SLC22A9: variants seen among roughly 807,000 people sequenced by gnomAD.
The protein encoded by SLC22A9 is solute carrier family 22 member 9.
A neutral mutation model predicts 50.1 loss-of-function variants in SLC22A9; 64 were observed. That is an observed-to-expected ratio of 1.28 (90% CI 1.04 to 1.57). SLC22A9 has a LOEUF of 1.57. Ranked by LOEUF, SLC22A9 falls within the 40% of genes most tolerant of loss-of-function variation. The pLI is 0.00. For synonymous variants in SLC22A9, 261 were observed against 242.5 expected (o/e 1.08, Z -0.71); for missense variants, 757 against 676.1 (o/e 1.12, Z -1.33).
intron 6 of SLC22A9, among the ~76,000 whole-genome samples, chr11:63,399,499 A>T (rs1367131854): frequency 6.6e-6 from 1 of 152,200 alleles, no homozygotes; most frequent in East Asian, 1.9e-4. Flanking sequence ...GTAAGAAGAT[A>T]TAAAAACTGC....
intron 6 of SLC22A9, among the ~76,000 whole-genome samples, chr11:63,400,287 A>T (rs2119994787): frequency 6.6e-6 from 1 of 152,174 alleles, no homozygotes; most frequent in Middle Eastern, 3.4e-3. Context: ...AAAAATAGAG[A>T]AAACAAAAAT....
In SLC22A9 at chr11:63,382,284, T is replaced by C; in HGVS notation, c.1073+7T>C. ...CCCTCCTGTCCTTTACGAGGTAAGC[T>C]TCATGCAGTGTTTGAGGGTAAGTTA... is the stretch of plus-strand genomic sequence containing the variant. On this transcript the variant is annotated splice_region_variant and intron_variant, in intron 6 of 9. Coordinates refer to ENST00000279178, the MANE Select transcript of SLC22A9 (RefSeq NM_080866.3). 6.3e-7 allele frequency: 1 copy of C among 1,592,562 alleles called. No homozygotes were observed. The highest frequency in any genetic ancestry group is 8.6e-7 in the Non-Finnish European group (1 of 1,169,172).
rs753637545 is a variant in SLC22A9 at position 63,406,578 on chromosome 11, CTT to C, written c.1157_1158del (p.Phe386TrpfsTer50). ...ACAATGTTTTCCTGTTGCAGACTCT[CTT>C]TGGTGCAGTCATCCTCCTGGCCAAC... is the stretch of plus-strand genomic sequence containing the variant. ...GNNVFLLQTLFGAVILLANCV... is the reference protein window; with the variant it reads ...GNNVFLLQTLXGAVILLANCV... On this transcript the variant is annotated frameshift_variant, in exon 7 of 10. Coordinates refer to ENST00000279178, the MANE Select transcript of SLC22A9 (RefSeq NM_080866.3). LOFTEE classifies it high-confidence loss of function. The C allele has an allele frequency of 6.2e-7, 1 of 1,613,818 alleles. No homozygotes were observed. The highest frequency in any genetic ancestry group is 1.7e-5 in the Admixed American group (1 of 59,948).
chr11:63,384,052 A>C (rs1339713725), intron 6 of SLC22A9, among the ~76,000 whole-genome samples: 1 of 46,954 alleles, frequency 2.1e-5, no homozygotes, highest in Admixed American at 2.5e-4. Flanking sequence ...CATCTAAGAA[A>C]AAAAAAAAAA....
At chr11:63,396,328 A>C (rs1436497095) in intron 6 of SLC22A9, among the ~76,000 whole-genome samples, 1 of 152,144 alleles carries the variant, frequency 6.6e-6, no homozygotes, top group East Asian at 1.9e-4. Context: ...GCCAGGCAGG[A>C]ATGGCTGGCA....
Position 63,382,269 on chromosome 11 carries a change from C to T in SLC22A9, c.1065C>T (p.Ser355=). The T allele has an allele frequency of 6.2e-7, 1 of 1,604,330 alleles. No homozygotes were observed. ...TATGTAAAAGGATCTCCCTCCTGTC[C>T]TTTACGAGGTAAGCTTCATGCAGTG... ...PNICKRISLL[S]FTRFANFMAY... Residue 355 remains serine (S), a synonymous_variant, in exon 6 of 10, where the codon TCC becomes TCT. Transcript: ENST00000279178.
At chr11:63,390,607 G>A (rs1015874709) in intron 6 of SLC22A9, among the ~76,000 whole-genome samples, 14 of 152,190 alleles carry the variant, frequency 9.2e-5, no homozygotes, top group Admixed American at 2.6e-4. Context: ...TTTGGTTATC[G>A]TCTGAAGCCA....
intron 7 of SLC22A9, 132 bp downstream of exon 7, chr11:63,406,843 G>A (rs1430329819): frequency 2.9e-6 from 3 of 1,019,870 alleles, no homozygotes; most frequent in East Asian, 5.3e-5. Flanking sequence ...CACCAATCTG[G>A]GGATTTGGGA....
intron 6 of SLC22A9, among the ~76,000 whole-genome samples, chr11:63,405,946 A>C (rs1469540326): frequency 6.6e-6 from 1 of 152,138 alleles, no homozygotes; most frequent in African/African-American, 2.4e-5. Flanking sequence ...TCTTACCATC[A>C]TTTTACGATA....
chr11:63,409,833 G>A lies in SLC22A9; in HGVS notation c.1633G>A (p.Asp545Asn). The A allele has an allele frequency of 6.2e-6, 10 of 1,613,734 alleles. No homozygotes were observed. Among genetic ancestry groups the A allele is most frequent in the Non-Finnish European group, 8.5e-6 (10 of 1,179,848 alleles). Residue 545 changes from aspartate (D) to asparagine (N), a missense_variant, in exon 10 of 10, where the codon GAT becomes AAT. By Grantham distance (23) the Asp-to-Asn change is conservative. Coordinates refer to ENST00000279178, the MANE Select transcript of SLC22A9 (RefSeq NM_080866.3). ...AGACCCCAGAGAACCAAAGCAAGAG[G>A]ATCCGAGAGTGGAAGTGACGCAGTT... ...RKDPREPKQE[D>N]PRVEVTQF
At chr11:63,403,829 C>A (rs147296987) in intron 6 of SLC22A9, among the ~76,000 whole-genome samples, 2,609 of 151,414 alleles carry the variant, frequency 0.017, 35 homozygotes, top group Non-Finnish European at 0.019. Context: ...ATAAATCAAT[C>A]AATCAATCAA....
chr11:63,396,880 G>A (rs1265567124), intron 6 of SLC22A9, among the ~76,000 whole-genome samples: 1 of 152,066 alleles, frequency 6.6e-6, no homozygotes, highest in Non-Finnish European at 1.5e-5. Flanking sequence ...GCCTTATTTA[G>A]TTTACTTGGT....
intron 6 of SLC22A9, among the ~76,000 whole-genome samples, chr11:63,403,021 G>T (rs2014976306): frequency 6.6e-6 from 1 of 152,000 alleles, no homozygotes; most frequent in African/African-American, 2.4e-5. Flanking sequence ...CAATACAAAA[G>T]ATTGTTATAA....
chr11:63,373,164 T>C (rs2014395334), intron 2 of SLC22A9, among the ~76,000 whole-genome samples: 1 of 147,970 alleles, frequency 6.8e-6, no homozygotes, highest in Admixed American at 6.9e-5. Context: ...CCTGCAACAC[T>C]TCAACAACTT....
At chr11:63,383,471 G>A (rs2014603078) in intron 6 of SLC22A9, among the ~76,000 whole-genome samples, 1 of 152,078 alleles carries the variant, frequency 6.6e-6, no homozygotes, top group Non-Finnish European at 1.5e-5. Flanking sequence ...ATACAGATAA[G>A]ACACTTTACA....
rs116101893 is a variant in SLC22A9, at chr11:63,383,102, T to C, written c.1073+825T>C. ...ATATTTGGATGTTTGGGTCACTGAA[T>C]AGAAGGTGAGCACAAAGAAAATCTG... is the stretch of plus-strand genomic sequence containing the variant. On this transcript the variant is annotated intron_variant, in intron 6 of 9. Transcript: ENST00000279178. Among the ~76,000 whole-genome samples the C allele has an allele frequency of 5.7e-3, 875 of 152,206 alleles. 7 individuals are homozygous for C. Among genetic ancestry groups the C allele is most frequent in the African/African-American group, 0.02 (840 of 41,522 alleles).
At chr11:63,371,010 G>A (rs566456) in intron 1 of SLC22A9, 125 bp from the exon 2 acceptor site, 388,216 of 641,576 alleles carry the variant, frequency 0.61, 119,343 homozygotes, top group Non-Finnish European at 0.64. Context: ...GTAATGCTGA[G>A]AAAGGAAGCC....
At chr11:63,390,931 T>C (rs1438961839) in intron 6 of SLC22A9, among the ~76,000 whole-genome samples, 2 of 152,116 alleles carry the variant, frequency 1.3e-5, no homozygotes, top group Non-Finnish European at 2.9e-5. Flanking sequence ...TTCAGTTTAT[T>C]CTATTTTTTT....
At chr11:63,403,020 A>G (rs777029387) in intron 6 of SLC22A9, among the ~76,000 whole-genome samples, 12 of 152,146 alleles carry the variant, frequency 7.9e-5, no homozygotes, top group Non-Finnish European at 1.6e-4. Flanking sequence ...TCAATACAAA[A>G]GATTGTTATA....
Sources: gnomAD v4.1 joint callset for allele counts (sites outside exome capture counted in the v4.1 genomes callset) on GRCh38, gnomAD v4.1.1 for gene constraint, MANE v1.5 for transcripts, NCBI Gene and HGNC (gene_info 2026-07-23, HGNC 2026-07-21) for gene names.